Variants in PAK1 observed in about 807,000 individuals in gnomAD.
PAK1 encodes the protein serine/threonine-protein kinase PAK 1.
Under a neutral mutation model 67.4 loss-of-function variants are expected in PAK1, and 29 were observed. That is an observed-to-expected ratio of 0.43 (90% CI 0.32 to 0.59). The LOEUF (loss-of-function observed/expected upper bound fraction) is 0.59. Among genes scored for constraint, PAK1 ranks in the 20% least tolerant of loss-of-function variants. The pLI is 0.07. For missense variants in PAK1, 337 were observed against 670.7 expected (o/e 0.50, Z 5.50); for synonymous variants, 223 against 237.4 (o/e 0.94, Z 0.56).
intron 7 of PAK1, 142 bp from the exon 8 acceptor site, chr11:77,353,741 C>A: frequency 1.5e-6 from 1 of 655,450 alleles, no homozygotes; most frequent in East Asian, 2.7e-5. Context: ...AGGCCCTCAG[C>A]TTTTCCCCCA....
chr11:77,326,171 T>C (rs1939794335), intron 14 of PAK1, among the ~76,000 whole-genome samples: 1 of 152,168 alleles, frequency 6.6e-6, no homozygotes, highest in Non-Finnish European at 1.5e-5. Flanking sequence ...ACATATATGT[T>C]AAATACAAAT....
chr11:77,404,870 TG>T (rs1228750434), intron 1 of PAK1, among the ~76,000 whole-genome samples: 2 of 152,198 alleles, frequency 1.3e-5, no homozygotes, highest in Non-Finnish European at 2.9e-5. Context: ...CTAATCTAGT[TG>T]AATAAGAGAA....
chr11:77,387,436 A>T (rs1950592068), intron 2 of PAK1, among the ~76,000 whole-genome samples: 1 of 152,184 alleles, frequency 6.6e-6, no homozygotes, highest in South Asian at 2.1e-4. Flanking sequence ...AACAACTAAG[A>T]GAGATAGTTA....
chr11:77,373,536 G>C (rs1007410395), intron 5 of PAK1, among the ~76,000 whole-genome samples: 1 of 149,126 alleles, frequency 6.7e-6, no homozygotes, highest in Non-Finnish European at 1.5e-5. Context: ...CTCCCGCCTG[G>C]GCAACAGAGC....
chr11:77,395,127 T>C (rs1172274288), intron 1 of PAK1, among the ~76,000 whole-genome samples: 1 of 152,240 alleles, frequency 6.6e-6, no homozygotes, highest in Non-Finnish European at 1.5e-5. Flanking sequence ...TCACTCATCC[T>C]TCAAGGCTTA....
At chr11:77,523,974 C>A in the PAK1 span, among the ~76,000 whole-genome samples, 1 of 151,864 alleles carries the variant, frequency 6.6e-6, no homozygotes, top group East Asian at 1.9e-4. Flanking sequence ...TGTGTCAAGT[C>A]CAATCAGAGA....
At chr11:77,527,418 T>C in the PAK1 span, among the ~76,000 whole-genome samples, 3 of 152,380 alleles carry the variant, frequency 2.0e-5, no homozygotes, top group African/African-American at 4.8e-5. Flanking sequence ...CATTAATTTA[T>C]AGAGCATTTA....
intron 9 of PAK1, among the ~76,000 whole-genome samples, chr11:77,348,604 A>G (rs1364201808): frequency 6.6e-6 from 1 of 152,204 alleles, no homozygotes; most frequent in Non-Finnish European, 1.5e-5. Flanking sequence ...GCAACTATCC[A>G]CTTGGCAATC....
intron 2 of PAK1, among the ~76,000 whole-genome samples, chr11:77,383,765 T>C (rs1008919700): frequency 2.8e-4 from 43 of 152,290 alleles, no homozygotes; most frequent in African/African-American, 1.0e-3. Context: ...TAATCCCTTC[T>C]TGGAAGTAAC....
chr11:77,354,992 T>C (rs1448087670), intron 7 of PAK1, among the ~76,000 whole-genome samples: 1 of 152,184 alleles, frequency 6.6e-6, no homozygotes, highest in African/African-American at 2.4e-5. Context: ...AGTTTCCACT[T>C]GACAGCAAGA....
At position 77,323,734 on chromosome 11, in the gene PAK1, T is replaced by C. The variant is rs188316135; in HGVS notation, c.1552-374A>G. The stretch of plus-strand genomic sequence containing the variant: ...AATGAATAGTGTTATATTCATATAA[T>C]ACTATACAGAAAATTACACAGCAAT... On this transcript the variant is annotated intron_variant, in intron 14 of 14. Transcript: ENST00000356341. 2.6e-3 allele frequency among the ~76,000 whole-genome samples: 403 copies of C among 152,288 alleles called. 10 individuals carry two copies. Among genetic ancestry groups the C allele is most frequent in the Admixed American group, 0.023 (348 of 15,292 alleles).
intron 14 of PAK1, among the ~76,000 whole-genome samples, chr11:77,330,875 C>T (rs527993509): frequency 6.6e-6 from 1 of 152,226 alleles, no homozygotes; most frequent in Admixed American, 6.5e-5. Flanking sequence ...AAAATTTTTG[C>T]AACCTACTCA....
intron 1 of PAK1, among the ~76,000 whole-genome samples, chr11:77,416,028 G>A (rs113730148): frequency 0.03 from 4,311 of 141,684 alleles, 198 homozygotes; most frequent in African/African-American, 0.11. Context: ...ACCCAGGCAG[G>A]AGTGCAGTGG....
intron 1 of PAK1, among the ~76,000 whole-genome samples, chr11:77,453,339 A>G (rs879465281): frequency 8.5e-5 from 13 of 152,234 alleles, no homozygotes; most frequent in Admixed American, 6.5e-5. Context: ...GGGCGAAAAG[A>G]GCAAAACTCA....
intron 4 of PAK1, 142 bp downstream of exon 4, chr11:77,379,099 A>C (rs1949485884): frequency 2.8e-6 from 2 of 702,454 alleles, no homozygotes; most frequent in Admixed American, 5.1e-5. Flanking sequence ...TTGGCTGTCA[A>C]ATTCCAAAAT....
intron 7 of PAK1, among the ~76,000 whole-genome samples, chr11:77,354,362 G>C (rs1945714867): frequency 6.6e-6 from 1 of 152,054 alleles, no homozygotes; most frequent in African/African-American, 2.4e-5. Context: ...ACTAGGAATT[G>C]GTACTTTTCA....
chr11:77,412,759 G>A (rs1954696748), intron 1 of PAK1, among the ~76,000 whole-genome samples: 1 of 152,134 alleles, frequency 6.6e-6, no homozygotes, highest in Non-Finnish European at 1.5e-5. Context: ...TATGTACTAG[G>A]TACTTTATAA....
intron 1 of PAK1, among the ~76,000 whole-genome samples, chr11:77,409,301 A>G (rs1334093849): frequency 6.6e-6 from 1 of 151,992 alleles, no homozygotes; most frequent in East Asian, 1.9e-4. Context: ...ACAGGCAATA[A>G]CAGATGCTGG....
the PAK1 span, among the ~76,000 whole-genome samples, chr11:77,509,582 C>T: frequency 5.3e-5 from 8 of 152,162 alleles, no homozygotes; most frequent in Non-Finnish European, 7.3e-5. Flanking sequence ...TTTGTCCCCA[C>T]CCAGATCTCA....
Sources: allele counts gnomAD v4.1 joint callset (sites outside exome capture counted in the v4.1 genomes callset), GRCh38; gene constraint gnomAD v4.1.1; transcripts MANE v1.5; gene names NCBI Gene and HGNC (gene_info 2026-07-23, HGNC 2026-07-21).